The following MBNL1 variants were observed in gnomAD, a reference collection of about 807,000 sequenced individuals.
The protein encoded by MBNL1 is muscleblind-like protein 1.
A neutral mutation model predicts 42.2 loss-of-function variants in MBNL1; 8 were observed. The observed-to-expected ratio is 0.19, with a 90% confidence interval of 0.11 to 0.34. The LOEUF (loss-of-function observed/expected upper bound fraction) is 0.34, where lower values mean the gene tolerates loss of function less well. MBNL1 is among the 10% of genes least tolerant of loss of function. MBNL1 has a pLI of 1.00. For missense variants in MBNL1, 309 were observed against 495.3 expected (o/e 0.62, Z 3.57); for synonymous variants, 169 against 173.9 (o/e 0.97, Z 0.22).
upstream of MBNL1, chr3:152,265,372 ATTTGT>A (rs2037025606): frequency 1.4e-5 from 2 of 142,480 alleles, no homozygotes; most frequent in African/African-American, 5.3e-5. Flanking sequence ...TATTTAGGTG[ATTTGT>A]TTGTGTGAGA....
At chr3:152,294,435 C>G (rs2057643928) in intron 1 of MBNL1, among the ~76,000 whole-genome samples, 1 of 151,836 alleles carries the variant, frequency 6.6e-6, no homozygotes, top group African/African-American at 2.4e-5. Context: ...AGGTGCCCGC[C>G]ACTATGCCCA....
intron 2 of MBNL1, among the ~76,000 whole-genome samples, chr3:152,391,053 A>G (rs1469544314): frequency 6.6e-6 from 1 of 152,252 alleles, no homozygotes; most frequent in African/African-American, 2.4e-5. Context: ...AAATCCTCTT[A>G]TATAACCTTA....
intron 4 of MBNL1, among the ~76,000 whole-genome samples, chr3:152,444,670 T>A (rs1012281935): frequency 2.6e-5 from 4 of 152,208 alleles, no homozygotes; most frequent in Non-Finnish European, 4.4e-5. Context: ...TCTACAGACT[T>A]TAATCAAATT....
chr3:152,432,888 G>A lies in MBNL1; in HGVS notation c.517G>A (p.Ala173Thr). Residue 173 changes from alanine to threonine, a missense_variant, in exon 4 of 10, where the codon GCA becomes ACA. Physicochemically the swap from Ala to Thr is moderately conservative, Grantham distance 58 (BLOSUM62 0). Transcript: ENST00000324210. ...VPVPAAAAAA[A>T]QKLMRTDRLE... The stretch of plus-strand genomic sequence containing the variant: ...TGTACCTGCAGCTGCTGCAGCTGCT[G>A]CACAGAAATTAATGCGAACAGACAG... 1 of 1,613,812 alleles carries A rather than the reference G, an allele frequency of 6.2e-7. No individual in the cohort carries two copies. The highest frequency in any genetic ancestry group is 8.5e-7 in the Non-Finnish European group (1 of 1,179,742).
chr3:152,347,928 C>G (rs1204971477), intron 2 of MBNL1, among the ~76,000 whole-genome samples: 1 of 151,948 alleles, frequency 6.6e-6, no homozygotes, highest in East Asian at 1.9e-4. Flanking sequence ...GTATGTTGTT[C>G]TCATGAACAG....
chr3:152,293,866 A>G (rs527712108), intron 1 of MBNL1, among the ~76,000 whole-genome samples: 2 of 152,174 alleles, frequency 1.3e-5, no homozygotes, highest in Admixed American at 6.5e-5. Flanking sequence ...CAGTTCTCCA[A>G]AAGAGAATTT....
At chr3:152,385,127 T>C (rs1038605067) in intron 2 of MBNL1, among the ~76,000 whole-genome samples, 1 of 152,090 alleles carries the variant, frequency 6.6e-6, no homozygotes, top group Non-Finnish European at 1.5e-5. Flanking sequence ...TTTGCATCTT[T>C]GCTGTAATTT....
At chr3:152,247,074 T>C (rs1250768999) in intron 2 of MBNL1, among the ~76,000 whole-genome samples, 6 of 152,172 alleles carry the variant, frequency 3.9e-5, no homozygotes, top group Non-Finnish European at 8.8e-5. Flanking sequence ...AGTTTTTGTT[T>C]AGCTGTTTTG....
intron 2 of MBNL1, among the ~76,000 whole-genome samples, chr3:152,375,319 T>C (rs1055834708): frequency 3.3e-5 from 5 of 152,246 alleles, no homozygotes; most frequent in Admixed American, 2.6e-4. Flanking sequence ...TTAATTCCAT[T>C]GAAATCATAA....
chr3:152,336,830 C>T (rs2090537372), intron 2 of MBNL1, among the ~76,000 whole-genome samples: 1 of 152,134 alleles, frequency 6.6e-6, no homozygotes, highest in Non-Finnish European at 1.5e-5. Flanking sequence ...GTAAAATAGA[C>T]TACTGTTACT....
intron 1 of MBNL1, among the ~76,000 whole-genome samples, chr3:152,285,994 A>C (rs2051469500): frequency 6.6e-6 from 1 of 151,986 alleles, no homozygotes; most frequent in South Asian, 2.1e-4. Flanking sequence ...GCCAGAAAGA[A>C]AGCTCAGTAC....
intron 2 of MBNL1, among the ~76,000 whole-genome samples, chr3:152,389,765 C>G (rs2097604378): frequency 6.6e-6 from 1 of 152,204 alleles, no homozygotes; most frequent in South Asian, 2.1e-4. Context: ...AATGTGAAGG[C>G]CTCAGAGATT....
intron 9 of MBNL1, among the ~76,000 whole-genome samples, chr3:152,459,579 A>G (rs1740768872): frequency 6.6e-6 from 1 of 152,210 alleles, no homozygotes; most frequent in Non-Finnish European, 1.5e-5. Flanking sequence ...CTGATTAGAG[A>G]TAAACACAGC....
intron 2 of MBNL1, among the ~76,000 whole-genome samples, chr3:152,357,805 A>G (rs2095634674): frequency 6.6e-6 from 1 of 152,230 alleles, no homozygotes; most frequent in Non-Finnish European, 1.5e-5. Flanking sequence ...CAGTGAGATG[A>G]TAAGAAAGTG....
intron 2 of MBNL1, among the ~76,000 whole-genome samples, chr3:152,319,866 T>C (rs1320542874): frequency 6.6e-6 from 1 of 152,034 alleles, no homozygotes; most frequent in Non-Finnish European, 1.5e-5. Flanking sequence ...AGAGTTTAAT[T>C]CTTTCTTTGT....
intron 1 of MBNL1, among the ~76,000 whole-genome samples, chr3:152,292,983 G>A (rs749787313): frequency 1.3e-5 from 2 of 151,942 alleles, no homozygotes; most frequent in South Asian, 2.1e-4. Context: ...TGTTCAGGCT[G>A]GTCTCGAACA....
intron 2 of MBNL1, among the ~76,000 whole-genome samples, chr3:152,257,854 C>A (rs1343201901): frequency 6.6e-6 from 1 of 152,156 alleles, no homozygotes; most frequent in Non-Finnish European, 1.5e-5. Context: ...AACTGTGCAT[C>A]TTATACTCTT....
intron 3 of MBNL1, among the ~76,000 whole-genome samples, chr3:152,419,956 C>T (rs561843981): frequency 4.6e-5 from 7 of 152,226 alleles, no homozygotes; most frequent in Admixed American, 2.0e-4. Context: ...CTTGAGTAGG[C>T]GGTTTCCCCT....
intron 9 of MBNL1, among the ~76,000 whole-genome samples, chr3:152,460,052 A>G (rs941512204): frequency 1.5e-4 from 23 of 151,850 alleles, no homozygotes; most frequent in African/African-American, 4.8e-4. Context: ...CCAGGAATTT[A>G]AGACTAGCCT....
Sources: allele counts gnomAD v4.1 joint callset (sites outside exome capture counted in the v4.1 genomes callset), GRCh38; gene constraint gnomAD v4.1.1; transcripts MANE v1.5; gene names NCBI Gene and HGNC (gene_info 2026-07-23, HGNC 2026-07-21).